The following ADCY9 variants were observed in gnomAD, a reference collection of about 807,000 sequenced individuals.
The protein encoded by ADCY9 is adenylate cyclase type 9.
ADCY9 carries 50 observed loss-of-function variants against 101.5 expected under a neutral mutation model. The ratio of observed to expected loss-of-function variants is 0.49; its 90% CI spans 0.39 to 0.62. The LOEUF (loss-of-function observed/expected upper bound fraction) is 0.62. Among genes scored for constraint, ADCY9 ranks in the 20% least tolerant of loss-of-function variants. The probability of loss-of-function intolerance (pLI) is 0.00; values close to 1 mark genes in which losing one functional copy is unlikely to be tolerated. For missense variants in ADCY9, 1,662 were observed against 1,800.4 expected, an observed-to-expected ratio of 0.92 and a Z score of 1.39; for synonymous variants, 905 against 769.3, an observed-to-expected ratio of 1.18 and a Z score of -2.92.
intron 7 of ADCY9, chr16:3,981,852 C>T (rs980626057): frequency 2.6e-5 from 4 of 152,312 alleles, no homozygotes; most frequent in Non-Finnish European, 5.9e-5. Context: ...ATCCACCTGC[C>T]TTGGCCTCCC....
At chr16:3,954,162 G>A (rs553831565) in intron 5 of ADCY9, among the ~76,000 whole-genome samples, 22 of 152,302 alleles carry the variant, frequency 1.4e-4, no homozygotes, top group African/African-American at 3.6e-4. Context: ...GACGCACCCC[G>A]TCCAGTGGCT....
At chr16:4,084,113 GTTT>G (rs1344369830) in intron 2 of ADCY9, among the ~76,000 whole-genome samples, 2 of 151,120 alleles carry the variant, frequency 1.3e-5, no homozygotes, top group Non-Finnish European at 3.0e-5. Flanking sequence ...TGTTTGTTTT[GTTT>G]TGTTTTTGTT....
At chr16:4,064,310 T>C (rs2056788471) in intron 2 of ADCY9, among the ~76,000 whole-genome samples, 1 of 152,214 alleles carries the variant, frequency 6.6e-6, no homozygotes, top group Admixed American at 6.5e-5. Context: ...ATGGCATTTC[T>C]TCCCAAATTG....
chr16:4,058,854 G>C (rs552500414), intron 2 of ADCY9, among the ~76,000 whole-genome samples: 1 of 152,216 alleles, frequency 6.6e-6, no homozygotes, highest in East Asian at 1.9e-4. Context: ...TGAATCAAGG[G>C]AGCTAAAGGA....
chr16:4,093,876 T>C (rs2056987589), intron 2 of ADCY9, among the ~76,000 whole-genome samples: 1 of 152,234 alleles, frequency 6.6e-6, no homozygotes, highest in African/African-American at 2.4e-5. Flanking sequence ...TAGGCAGTGG[T>C]GCTAAATGCA....
At chr16:3,968,688 T>C (rs1408396124) in intron 10 of ADCY9, among the ~76,000 whole-genome samples, 1 of 152,070 alleles carries the variant, frequency 6.6e-6, no homozygotes, top group Non-Finnish European at 1.5e-5. Context: ...TGGGCCCGAG[T>C]CTGTCTTTTC....
At chr16:4,053,221 A>G (rs1247264387) in intron 2 of ADCY9, among the ~76,000 whole-genome samples, 1 of 152,192 alleles carries the variant, frequency 6.6e-6, no homozygotes, top group East Asian at 1.9e-4. Flanking sequence ...ATTTCAAGTG[A>G]GCCGCAAGAG....
At chr16:4,025,083 C>T (rs184708612) in intron 2 of ADCY9, among the ~76,000 whole-genome samples, 115 of 151,508 alleles carry the variant, frequency 7.6e-4, no homozygotes, top group African/African-American at 2.6e-3. Flanking sequence ...GGGAGGGGGG[C>T]TGGGTGTGAT....
chr16:4,080,397 C>T (rs909268930), intron 2 of ADCY9, among the ~76,000 whole-genome samples: 3 of 152,072 alleles, frequency 2.0e-5, no homozygotes, highest in African/African-American at 4.8e-5. Context: ...GCGTGCGCCA[C>T]CACACCCGAT....
At chr16:4,068,542 C>T (rs562412107) in intron 2 of ADCY9, among the ~76,000 whole-genome samples, 1 of 152,128 alleles carries the variant, frequency 6.6e-6, no homozygotes, top group East Asian at 1.9e-4. Flanking sequence ...TGGCCGGGCA[C>T]GGTGGCTCAC....
chr16:4,049,815 A>G (rs1261621822), intron 2 of ADCY9, among the ~76,000 whole-genome samples: 3 of 152,162 alleles, frequency 2.0e-5, no homozygotes, highest in Admixed American at 2.0e-4. Flanking sequence ...GGCTACTGCT[A>G]TAAAGAACTA....
In ADCY9 at chr16:3,984,347, C is replaced by T. The variant is rs117297119; in HGVS notation, c.2311-907G>A. On this transcript the variant is annotated intron_variant, in intron 6 of 10. Transcript: ENST00000294016. ...TGGCACATCATCGCCTGGGAACCTA[C>T]GGGGCCTGGCTCTGTGCTGGGGGCC... Among the ~76,000 whole-genome samples, 696 of 152,242 alleles carry T rather than the reference C, an allele frequency of 4.6e-3. 4 individuals are homozygous for T. The highest frequency in any genetic ancestry group is 0.01 in the Middle Eastern group (3 of 294).
intron 2 of ADCY9, among the ~76,000 whole-genome samples, chr16:4,053,110 G>A (rs1260028127): frequency 1.3e-5 from 2 of 152,216 alleles, no homozygotes; most frequent in Non-Finnish European, 2.9e-5. Context: ...TGTCTTGGAA[G>A]AGGGGCTAAG....
chr16:3,997,478 G>C (rs2056296484), intron 3 of ADCY9, among the ~76,000 whole-genome samples: 1 of 152,236 alleles, frequency 6.6e-6, no homozygotes, highest in African/African-American at 2.4e-5. Flanking sequence ...CAGAGGCCGA[G>C]GCCTGCACCC....
At chr16:4,091,608 C>A (rs2056974186) in intron 2 of ADCY9, among the ~76,000 whole-genome samples, 1 of 152,180 alleles carries the variant, frequency 6.6e-6, no homozygotes, top group African/African-American at 2.4e-5. Flanking sequence ...TTTATCCATA[C>A]AATGGAATTT....
chr16:4,097,375 C>A (rs2057010279), intron 2 of ADCY9, among the ~76,000 whole-genome samples: 1 of 149,442 alleles, frequency 6.7e-6, no homozygotes, highest in Non-Finnish European at 1.5e-5. Context: ...TACTGCCTTT[C>A]CTCTACCTGG....
chr16:4,003,585 G>T (rs1167675710), intron 3 of ADCY9, among the ~76,000 whole-genome samples: 1 of 130,490 alleles, frequency 7.7e-6, no homozygotes, highest in South Asian at 2.4e-4. Context: ...TTTTTTTTGA[G>T]ACAGTGTCTC....
chr16:3,983,575 G>C, intron 6 of ADCY9, 135 bp from the exon 7 acceptor site: 1 of 731,054 alleles, frequency 1.4e-6, no homozygotes, highest in South Asian at 1.8e-5. Context: ...GGCTCTCGGA[G>C]GGCTGTCTCC....
At chr16:4,010,300 G>A (rs2238450) in intron 2 of ADCY9, among the ~76,000 whole-genome samples, 58,957 of 152,054 alleles carry the variant, frequency 0.39, 11,898 homozygotes, top group East Asian at 0.48. Flanking sequence ...CTAGAAGTGC[G>A]TGGCAACTGA....
Sources: allele counts gnomAD v4.1 joint callset (sites outside exome capture counted in the v4.1 genomes callset), GRCh38; gene constraint gnomAD v4.1.1; transcripts MANE v1.5; gene names NCBI Gene and HGNC (gene_info 2026-07-23, HGNC 2026-07-21).